The following SORL1 variants were observed in gnomAD, a reference collection of about 807,000 sequenced individuals.
SORL1 encodes the protein sortilin-related receptor.
Under a neutral mutation model 273.7 loss-of-function variants are expected in SORL1, and 127 were observed. The observed-to-expected ratio is 0.46, with a 90% CI of 0.40 to 0.54. SORL1 has a LOEUF of 0.54. Ranked by LOEUF, SORL1 falls within the 20% of genes least tolerant of loss-of-function variation. The pLI is 0.00. For missense variants in SORL1, 2,494 were observed against 2,846.1 expected (o/e 0.88, Z 2.81); for synonymous variants, 1,031 against 1,067.4 (o/e 0.97, Z 0.66).
intron 5 of SORL1, among the ~76,000 whole-genome samples, chr11:121,496,581 T>C (rs201392601): frequency 1.3e-5 from 2 of 152,348 alleles, no homozygotes; most frequent in East Asian, 3.9e-4. Flanking sequence ...TTTTGAAACA[T>C]TTTATCTTGT....
In SORL1 at chr11:121,517,580, G is replaced by A. The variant is rs746294061; in HGVS notation, c.1212-3077G>A. 1.7e-4 allele frequency among the ~76,000 whole-genome samples: 26 copies of A among 152,196 alleles called. 2 individuals carry two copies. Among genetic ancestry groups the A allele is most frequent in the Admixed American group, 1.6e-3 (25 of 15,278 alleles). ...GTCACAGCTTGCTAAATATTTTCTC[G>A]TCTTCCTCATTTGTCAGATATTCAG... On this transcript the variant is annotated intron_variant, in intron 8 of 47. Transcript: ENST00000260197.
At chr11:121,491,504 G>A (rs1344434145) in intron 5 of SORL1, among the ~76,000 whole-genome samples, 1 of 152,130 alleles carries the variant, frequency 6.6e-6, no homozygotes, top group Non-Finnish European at 1.5e-5. Context: ...GATAGATATT[G>A]CAAACTTGAC....
At chr11:121,535,987 G>A (rs1448430061) in intron 12 of SORL1, among the ~76,000 whole-genome samples, 1 of 152,196 alleles carries the variant, frequency 6.6e-6, no homozygotes, top group East Asian at 1.9e-4. Flanking sequence ...CAGAGAAGGG[G>A]CTGTTGCATT....
intron 3 of SORL1, among the ~76,000 whole-genome samples, chr11:121,486,485 T>C (rs1591295992): frequency 6.7e-6 from 1 of 150,042 alleles, no homozygotes; most frequent in Admixed American, 6.6e-5. Context: ...TCTTTCTTTT[T>C]TTTTTTTTTT....
chr11:121,614,685 T>C, intron 40 of SORL1, 186 bp from the exon 41 acceptor site: 1 of 566,252 alleles, frequency 1.8e-6, no homozygotes, highest in Non-Finnish European at 3.1e-6. Flanking sequence ...TGCAGTGTGT[T>C]ACGTACCGTC....
intron 31 of SORL1, among the ~76,000 whole-genome samples, chr11:121,592,750 G>A (rs1863234907): frequency 6.6e-6 from 1 of 152,190 alleles, no homozygotes; most frequent in African/African-American, 2.4e-5. Context: ...AAATTAAAAT[G>A]AATTGTAAAA....
chr11:121,621,253 G>T lies in SORL1; in HGVS notation c.6064+15G>T, dbSNP rs377228108. On this transcript the variant is annotated intron_variant, in intron 44 of 47. Transcript: ENST00000260197. ...AATTACCACAGGTAAGCAGGAGAGA[G>T]GTTAGAGGTCTTCTCACACAGCCTG... 6 of 1,610,946 alleles carry T rather than the reference G, an allele frequency of 3.7e-6. No homozygotes were observed. In the African/African-American group the frequency reaches 8.0e-5, roughly 22 times the overall value.
Position 121,516,780 on chromosome 11 carries a change from A to G in SORL1, c.1211+2459A>G, listed in dbSNP as rs559632631. On this transcript the variant is annotated intron_variant, in intron 8 of 47. Coordinates refer to ENST00000260197, the MANE Select transcript of SORL1 (RefSeq NM_003105.6). ...TGAAAAAATTATTTACTGGCCGGGC[A>G]TGGTGGCTCACGCCTGTAAACCCAG... Among the ~76,000 whole-genome samples, 6 of 152,172 alleles carry G rather than the reference A, an allele frequency of 3.9e-5. No individual in the cohort carries two copies. In the South Asian group the frequency reaches 1.2e-3, roughly 32 times the overall value.
intron 2 of SORL1, among the ~76,000 whole-genome samples, chr11:121,476,825 T>C (rs1034471075): frequency 7.0e-6 from 1 of 143,268 alleles, no homozygotes; most frequent in African/African-American, 2.6e-5. Context: ...CCTTCCTCGC[T>C]CTGTCACCCA....
intron 11 of SORL1, among the ~76,000 whole-genome samples, chr11:121,527,052 T>A (rs1438991062): frequency 6.6e-6 from 1 of 152,094 alleles, no homozygotes; most frequent in Non-Finnish European, 1.5e-5. Flanking sequence ...TATACAGTAT[T>A]GAATAGAAGT....
At chr11:121,502,284 C>T (rs573775694) in intron 6 of SORL1, among the ~76,000 whole-genome samples, 12 of 151,336 alleles carry the variant, frequency 7.9e-5, no homozygotes, top group East Asian at 1.9e-4. Flanking sequence ...TACAGGTGCC[C>T]GCCGCCACAC....
chr11:121,474,157 C>T (rs1861221528), intron 2 of SORL1, among the ~76,000 whole-genome samples: 2 of 152,224 alleles, frequency 1.3e-5, no homozygotes, highest in Admixed American at 1.3e-4. Flanking sequence ...CTTCTCTTGT[C>T]CTCCTCTGTC....
chr11:121,632,043 G>A lies in SORL1; in HGVS notation c.*2480G>A, dbSNP rs1048672801. On this transcript the variant is annotated 3_prime_UTR_variant, in exon 48 of 48. Transcript: ENST00000260197. ...AGCCTCTGAAGGTGACCACATAACTGTCTTCACTGTGACCAATCGGAGTCC... is the reference window on the plus strand; with the variant it reads ...AGCCTCTGAAGGTGACCACATAACTATCTTCACTGTGACCAATCGGAGTCC... The A allele has an allele frequency of 6.6e-6, 1 of 152,166 alleles. No individual in the cohort carries two copies. Among genetic ancestry groups the A allele is most frequent in the Non-Finnish European group, 1.5e-5 (1 of 68,036 alleles). The allele number at this position is 152,166 out of a possible 1,614,324, so 9.4% of individuals were successfully genotyped here.
rs202226099 is a variant in SORL1, at chr11:121,619,753, G to A, written c.5725G>A (p.Val1909Ile). ...VSKDEQYLFL[V>I]RVVVPYQGPS... ...TCCTACGTGTGTGCTTGGGCTTCAG[G>A]TCCGTGTAGTGGTACCCTACCAGGG... The change falls in exon 43 of 48, where the codon GTC (valine) becomes ATC (isoleucine). Residue 1909 changes from valine (V) to isoleucine (I), a missense_variant and splice_region_variant. Physicochemically the swap from Val to Ile is conservative, Grantham distance 29 (BLOSUM62 3). This residue lies in a region of SORL1 where 1,609 missense variants were observed against 1,816.4 expected (regional missense o/e 0.89). Coordinates refer to ENST00000260197, the MANE Select transcript of SORL1 (RefSeq NM_003105.6). 55 of 1,612,800 alleles carry A rather than the reference G, an allele frequency of 3.4e-5. No homozygotes were observed. The highest frequency in any genetic ancestry group is 4.6e-5 in the Non-Finnish European group (54 of 1,179,102).
chr11:121,484,625 T>G (rs538244753), intron 3 of SORL1, among the ~76,000 whole-genome samples: 3 of 152,156 alleles, frequency 2.0e-5, no homozygotes, highest in African/African-American at 7.2e-5. Flanking sequence ...GGGAAAGTTT[T>G]GAAGAACTCA....
chr11:121,507,171 G>T (rs1483820032), intron 6 of SORL1, among the ~76,000 whole-genome samples: 3 of 152,010 alleles, frequency 2.0e-5, no homozygotes, highest in Non-Finnish European at 2.9e-5. Flanking sequence ...TCTAATTGAG[G>T]ACTCCTTAGA....
chr11:121,597,339 A>G (rs955070825), intron 32 of SORL1, among the ~76,000 whole-genome samples: 1 of 151,990 alleles, frequency 6.6e-6, no homozygotes, highest in Non-Finnish European at 1.5e-5. Context: ...ATTTTTGTTG[A>G]TCATGCACAG....
In SORL1 at chr11:121,625,202, G is replaced by A. The variant is rs74642146; in HGVS notation, c.6289G>A (p.Val2097Ile). Residue 2097 changes from valine to isoleucine, a missense_variant, in exon 46 of 48, where the codon GTC (valine) becomes ATC (isoleucine). Coordinates refer to ENST00000260197, the MANE Select transcript of SORL1 (RefSeq NM_003105.6). ...GATGGGTCATAATTACACGTTCACCGTCCAAGCAAGATGCCTTTTTGGCAA... is the reference window on the plus strand; with the variant it reads ...GATGGGTCATAATTACACGTTCACCATCCAAGCAAGATGCCTTTTTGGCAA... The part of the protein sequence containing the change: ...LKMGHNYTFT[V>I]QARCLFGNQI... 1,729 of 1,614,058 alleles carry A rather than the reference G, an allele frequency of 1.1e-3. 3 individuals are homozygous for A. The highest frequency in any genetic ancestry group is 5.0e-3 in the East Asian group (226 of 44,872).
intron 32 of SORL1, among the ~76,000 whole-genome samples, chr11:121,600,134 G>T (rs1443102458): frequency 1.3e-5 from 2 of 152,172 alleles, no homozygotes; most frequent in Non-Finnish European, 2.9e-5. Context: ...CTAAACTTTG[G>T]TGGTGGGTTT....
Sources: gnomAD v4.1 joint callset for allele counts (sites outside exome capture counted in the v4.1 genomes callset) on GRCh38, gnomAD v4.1.1 for gene constraint, gnomAD v4.1.1 regional missense constraint, MANE v1.5 for transcripts, NCBI Gene and HGNC (gene_info 2026-07-23, HGNC 2026-07-21) for gene names.